Variants in TRPC5 observed in about 807,000 individuals in gnomAD.
TRPC5 encodes short transient receptor potential channel 5.
TRPC5 carries 9 observed loss-of-function variants against 56.5 expected under a neutral mutation model. The ratio of observed to expected loss-of-function variants is 0.16; its 90% confidence interval spans 0.10 to 0.28. The LOEUF is 0.28. TRPC5 is among the 10% of genes least tolerant of loss of function. The pLI, the probability that TRPC5 is intolerant of heterozygous loss-of-function variation, is 1.00. For missense variants in TRPC5, 469 were observed against 748.9 expected (o/e 0.63, Z 4.36); for synonymous variants, 282 against 278.5 (o/e 1.01, Z -0.13).
At chrX:112,014,065 G>T (rs1048725408) in intron 1 of TRPC5, among the ~76,000 whole-genome samples, 3 of 112,219 alleles carry the variant, frequency 2.7e-5, no homozygotes, top group Admixed American at 9.4e-5. Context: ...AAGGCCCCAA[G>T]CTTGGAGCAT....
rs1317140224 is a variant in TRPC5 at position 111,771,678 on chromosome X, C to T, written c.*4635G>A. ...AACACCTCAAGTATGCACCAAATCT[C>T]AGGTATACAGTAAATCTGAAGTATG... On this transcript the variant is annotated 3_prime_UTR_variant, in exon 11 of 11. Coordinates refer to ENST00000262839, the MANE Select transcript of TRPC5 (RefSeq NM_012471.3). 9.0e-6 allele frequency among the ~76,000 whole-genome samples: 1 copy of T among 111,484 alleles called. No homozygotes were observed. The highest frequency in any genetic ancestry group is 3.3e-5 in the African/African-American group (1 of 30,655).
chrX:111,888,357 A>G (rs929344496), intron 3 of TRPC5, among the ~76,000 whole-genome samples: 11 of 109,941 alleles, frequency 1.0e-4, no homozygotes, highest in Non-Finnish European at 1.9e-4. Context: ...TCCATTTTAA[A>G]GGGATCACTG....
At chrX:112,026,867 A>G (rs1001268853) in intron 1 of TRPC5, among the ~76,000 whole-genome samples, 3 of 108,057 alleles carry the variant, frequency 2.8e-5, no homozygotes, top group Non-Finnish European at 3.8e-5. Flanking sequence ...ACATTAAGAT[A>G]TTTGGCACTG....
In TRPC5 at chrX:111,826,459, C is replaced by T. The variant is rs3027739; in HGVS notation, c.1896+8462G>A. Among the ~76,000 whole-genome samples the T allele has an allele frequency of 3.6e-3, 401 of 112,376 alleles. 1 individual carries two copies. Among genetic ancestry groups the T allele is most frequent in the Non-Finnish European group, 6.1e-3 (323 of 53,301 alleles). ...AATGTTTTCTTTCTCCTCAGTGAAA[C>T]GTAGCAACCCTTGATCAGATTCCAG... On this transcript the variant is annotated intron_variant, in intron 7 of 10. Transcript: ENST00000262839.
At chrX:111,874,775 C>T (rs1286973309) in intron 3 of TRPC5, among the ~76,000 whole-genome samples, 14 of 112,536 alleles carry the variant, frequency 1.2e-4, no homozygotes, top group Admixed American at 1.2e-3. Context: ...TAGCCCATTG[C>T]CTGCTTTTGT....
intron 1 of TRPC5, among the ~76,000 whole-genome samples, chrX:111,987,494 G>A (rs140166595): frequency 9.1e-6 from 1 of 110,290 alleles, no homozygotes; most frequent in East Asian, 2.9e-4. Flanking sequence ...CCACACCTTT[G>A]TACCTTTTGA....
At chrX:111,781,116 C>G in intron 9 of TRPC5, 49 bp downstream of exon 9, 1 of 1,157,276 alleles carries the variant, frequency 8.6e-7, no homozygotes, top group Non-Finnish European at 1.2e-6. Context: ...TTCTCCTCCA[C>G]AGAACCAGCC....
chrX:111,824,397 C>T (rs1314660457), intron 7 of TRPC5, among the ~76,000 whole-genome samples: 1 of 109,706 alleles, frequency 9.1e-6, no homozygotes, highest in East Asian at 2.8e-4. Context: ...GTGTTTGGGA[C>T]ATAAATGCTT....
chrX:111,792,438 A>C (rs1038484876), intron 7 of TRPC5, among the ~76,000 whole-genome samples: 1 of 111,686 alleles, frequency 9.0e-6, no homozygotes, highest in African/African-American at 3.3e-5. Context: ...AAACCTGCAC[A>C]TTCTGTGCAT....
intron 7 of TRPC5, among the ~76,000 whole-genome samples, chrX:111,833,764 T>C (rs1418935973): frequency 2.7e-5 from 3 of 111,169 alleles, no homozygotes; most frequent in East Asian, 2.8e-4. Context: ...TATATGCACA[T>C]ACACATATAC....
chrX:111,975,177 G>A (rs1005082867), intron 1 of TRPC5, among the ~76,000 whole-genome samples: 4 of 111,260 alleles, frequency 3.6e-5, no homozygotes, highest in African/African-American at 1.3e-4. Flanking sequence ...CTCCACGTCA[G>A]CAAAAGGTGG....
chrX:112,051,174 T>C (rs7891976), intron 1 of TRPC5, among the ~76,000 whole-genome samples: 18,325 of 111,724 alleles, frequency 0.16, 1,411 homozygotes, highest in African/African-American at 0.29. Flanking sequence ...TTGATGCTGT[T>C]TCCTTGGTGC....
At chrX:111,973,360 C>A (rs1313937404) in intron 1 of TRPC5, among the ~76,000 whole-genome samples, 3 of 111,689 alleles carry the variant, frequency 2.7e-5, no homozygotes, top group Non-Finnish European at 5.6e-5. Flanking sequence ...AAATACCTTG[C>A]CATTTTAATA....
chrX:111,896,202 A>G (rs1487329727), intron 3 of TRPC5: 1 of 110,619 alleles, frequency 9.0e-6, no homozygotes, highest in Non-Finnish European at 1.9e-5. Flanking sequence ...TCCTCAGGAG[A>G]GTCCTTCTGC....
chrX:111,933,178 G>A (rs1223150314), intron 2 of TRPC5, among the ~76,000 whole-genome samples: 2 of 112,064 alleles, frequency 1.8e-5, no homozygotes, highest in Non-Finnish European at 3.8e-5. Flanking sequence ...AAATAAATCA[G>A]TACAGAATAG....
intron 1 of TRPC5, among the ~76,000 whole-genome samples, chrX:111,989,009 A>C (rs1426837382): frequency 8.9e-6 from 1 of 111,841 alleles, no homozygotes; most frequent in African/African-American, 3.2e-5. Context: ...AAGTTCCTAG[A>C]ACGTTGCTTG....
rs151101941 is a variant in TRPC5, at chrX:111,847,380, C to T, written c.1434G>A (p.Ala478=). The change falls in exon 6 of 11, where the codon GCG becomes GCA. Residue 478 remains alanine, a synonymous_variant. Transcript: ENST00000262839. ...TGTTGGATATTGCGAAGAGTGCTTC[C>T]GCAATCAGAGTCGGGTGCCACATTT... ...EWEMWHPTLI[A]EALFAISNIL... 78 of 1,209,517 alleles carry T rather than the reference C, an allele frequency of 6.4e-5. No homozygotes were observed. The highest frequency in any genetic ancestry group is 2.3e-4 in the Middle Eastern group (1 of 4,373).
intron 1 of TRPC5, among the ~76,000 whole-genome samples, chrX:111,964,185 C>T: frequency 1.8e-5 from 2 of 111,938 alleles, no homozygotes; most frequent in South Asian, 3.8e-4. Flanking sequence ...ATGCAGAAGC[C>T]TCAGGAGCTG....
chrX:111,847,135 T>C lies in TRPC5; in HGVS notation c.1679A>G (p.Lys560Arg). ...PNNCKGIRCE[K>R]QNNAFSTLFE... The stretch of plus-strand genomic sequence containing the variant: ...TTACGTGGAGAAGGCATTGTTCTGT[T>C]TCTCACATCGGATCCCCTTGCAGTT... The change falls in exon 6 of 11, where the codon AAA becomes AGA. Residue 560 changes from lysine to arginine, a missense_variant. Lys to Arg is a conservative substitution (Grantham distance 26). Around this residue, in one of 3 missense-constraint regions of TRPC5, gnomAD observed 157 missense variants for 360.0 expected, o/e 0.44. Transcript: ENST00000262839. The C allele has an allele frequency of 1.7e-6, 2 of 1,211,029 alleles. No homozygotes were observed. The highest frequency in any genetic ancestry group is 2.2e-6 in the Non-Finnish European group (2 of 894,942).
Sources: allele counts gnomAD v4.1 joint callset (sites outside exome capture counted in the v4.1 genomes callset), GRCh38; gene constraint gnomAD v4.1.1; regional missense constraint gnomAD v4.1.1; transcripts MANE v1.5; gene names NCBI Gene and HGNC (gene_info 2026-07-23, HGNC 2026-07-21).